Variants in KCNAB1 observed in about 807,000 individuals in gnomAD.
The protein encoded by KCNAB1 is voltage-gated potassium channel subunit beta-1.
Under a neutral mutation model 64.6 loss-of-function variants are expected in KCNAB1, and 35 were observed. The observed-to-expected ratio is 0.54, with a 90% confidence interval of 0.41 to 0.72. KCNAB1 has a LOEUF of 0.72. KCNAB1 is among the 30% of genes least tolerant of loss of function. The pLI, the probability that KCNAB1 is intolerant of heterozygous loss-of-function variation, is 0.00. For synonymous variants in KCNAB1, 177 were observed against 183.8 expected (o/e 0.96, Z 0.30); for missense variants, 401 against 512.9 (o/e 0.78, Z 2.11).
chr3:156,336,525 T>A (rs1723724196), intron 1 of KCNAB1, among the ~76,000 whole-genome samples: 2 of 152,244 alleles, frequency 1.3e-5, no homozygotes, highest in South Asian at 4.1e-4. Flanking sequence ...AGTTTAATTT[T>A]GACCGTCCTT....
In KCNAB1 at chr3:156,189,285, C is replaced by G. The variant is rs566665849; in HGVS notation, c.275+68399C>G. On this transcript the variant is annotated intron_variant, in intron 1 of 13. Coordinates refer to ENST00000490337, the MANE Select transcript of KCNAB1 (RefSeq NM_172160.3). Reference sequence around the variant, plus strand: ...TTGAATCCCTGTGTAGTCCAGCTAACCTGTTCCATGATGAGAGCTGCCTGC... The same window carrying G: ...TTGAATCCCTGTGTAGTCCAGCTAAGCTGTTCCATGATGAGAGCTGCCTGC... Among the ~76,000 whole-genome samples, 7 of 152,318 alleles carry G rather than the reference C, an allele frequency of 4.6e-5. No homozygotes were observed. The South Asian group carries it at 1.4e-3, about 32-fold the overall frequency.
intron 12 of KCNAB1, among the ~76,000 whole-genome samples, chr3:156,526,582 G>A (rs912937499): frequency 3.9e-5 from 6 of 152,166 alleles, no homozygotes; most frequent in African/African-American, 1.4e-4. Context: ...GCCACGTGCT[G>A]CCAAAGGCTA....
intron 9 of KCNAB1, 120 bp downstream of exon 9, chr3:156,514,569 C>G: frequency 1.4e-6 from 1 of 695,256 alleles, no homozygotes; most frequent in Non-Finnish European, 2.6e-6. Context: ...CACTGGAATT[C>G]TAGAATCAAT....
At chr3:156,516,890 G>A (rs1469123690) in intron 11 of KCNAB1, among the ~76,000 whole-genome samples, 1 of 152,164 alleles carries the variant, frequency 6.6e-6, no homozygotes, top group East Asian at 1.9e-4. Flanking sequence ...ACATAGCAAA[G>A]CTTCTATCAC....
intron 8 of KCNAB1, among the ~76,000 whole-genome samples, chr3:156,494,863 CT>C (rs933376087): frequency 4.6e-5 from 7 of 151,996 alleles, no homozygotes; most frequent in South Asian, 2.1e-4. Flanking sequence ...CAATTTTTTT[CT>C]TTTTTTTCCA....
intron 1 of KCNAB1, among the ~76,000 whole-genome samples, chr3:156,341,920 A>T (rs971784916): frequency 6.6e-6 from 1 of 152,132 alleles, no homozygotes; most frequent in Non-Finnish European, 1.5e-5. Context: ...AATAGATTTC[A>T]TGACAAACTA....
chr3:156,280,371 C>T lies in KCNAB1; in HGVS notation c.276-141245C>T, dbSNP rs1199621749. ...TACCATGCTGTTTTGGTTACTGTAG[C>T]GTTGTAGTATAGTTTGAAGTCAGGT... On this transcript the variant is annotated intron_variant, in intron 1 of 13. Coordinates refer to ENST00000490337, the MANE Select transcript of KCNAB1 (RefSeq NM_172160.3). 2.4e-4 allele frequency among the ~76,000 whole-genome samples: 36 copies of T among 151,584 alleles called. 1 individual carries two copies. The highest frequency in any genetic ancestry group is 1.4e-3 in the Admixed American group (21 of 15,240).
intron 8 of KCNAB1, among the ~76,000 whole-genome samples, chr3:156,505,596 T>C (rs936131815): frequency 5.9e-5 from 9 of 152,216 alleles, no homozygotes; most frequent in African/African-American, 1.9e-4. Flanking sequence ...TTCATAATTT[T>C]AATTGTAGAG....
chr3:156,280,917 C>T (rs1451626758), intron 1 of KCNAB1, among the ~76,000 whole-genome samples: 3 of 148,264 alleles, frequency 2.0e-5, no homozygotes, highest in Non-Finnish European at 4.5e-5. Flanking sequence ...CAAACAGGGA[C>T]AATTTGACTT....
chr3:156,494,478 A>G (rs753397478), intron 8 of KCNAB1, among the ~76,000 whole-genome samples: 2 of 152,064 alleles, frequency 1.3e-5, no homozygotes, highest in African/African-American at 2.4e-5. Context: ...TCTACTCAGC[A>G]CTTATCTTTT....
intron 1 of KCNAB1, among the ~76,000 whole-genome samples, chr3:156,409,593 G>A (rs1443371508): frequency 1.3e-5 from 2 of 152,144 alleles, no homozygotes; most frequent in Non-Finnish European, 2.9e-5. Context: ...ATGGGAAGGA[G>A]CTTTCCTTTT....
intron 1 of KCNAB1, among the ~76,000 whole-genome samples, chr3:156,418,741 C>T (rs1207161654): frequency 6.6e-6 from 1 of 152,074 alleles, no homozygotes; most frequent in Non-Finnish European, 1.5e-5. Context: ...ACACAGAGAC[C>T]CAGATATATC....
Position 156,499,809 on chromosome 3 carries a change from A to G in KCNAB1, c.659-14555A>G, listed in dbSNP as rs73025762. Among the ~76,000 whole-genome samples, 828 of 152,228 alleles carry G rather than the reference A, an allele frequency of 5.4e-3. 9 individuals are homozygous for G. The highest frequency in any genetic ancestry group is 0.019 in the African/African-American group (777 of 41,532). On this transcript the variant is annotated intron_variant, in intron 8 of 13. Coordinates refer to ENST00000490337, the MANE Select transcript of KCNAB1 (RefSeq NM_172160.3). ...AAATTCCCAGCCCAGAGCCAAGCACAAGGTAGGCACTCAGTAGAGTCCATG... is the reference window on the plus strand; with the variant it reads ...AAATTCCCAGCCCAGAGCCAAGCACGAGGTAGGCACTCAGTAGAGTCCATG...
chr3:156,246,973 T>C (rs1188925924), intron 1 of KCNAB1, among the ~76,000 whole-genome samples: 1 of 152,216 alleles, frequency 6.6e-6, no homozygotes, highest in East Asian at 1.9e-4. Context: ...TGGAAGGAGC[T>C]CTTTCAGTTA....
intron 2 of KCNAB1, 49 bp downstream of exon 2, chr3:156,421,708 G>A: frequency 1.3e-6 from 2 of 1,555,540 alleles, no homozygotes; most frequent in South Asian, 1.1e-5. Flanking sequence ...GTGGGAGACT[G>A]GGGAGGGCAC....
intron 1 of KCNAB1, among the ~76,000 whole-genome samples, chr3:156,140,431 C>T (rs991859057): frequency 5.9e-5 from 9 of 152,102 alleles, no homozygotes; most frequent in East Asian, 1.9e-4. Context: ...GCCCTCTTCC[C>T]GGTTGAAGGG....
chr3:156,404,400 T>G (rs1413868619), intron 1 of KCNAB1, among the ~76,000 whole-genome samples: 1 of 152,198 alleles, frequency 6.6e-6, no homozygotes, highest in African/African-American at 2.4e-5. Flanking sequence ...TCCGTGGAAC[T>G]GAAGGCTATT....
At chr3:156,298,386 A>G (rs961694168) in intron 1 of KCNAB1, among the ~76,000 whole-genome samples, 11 of 152,264 alleles carry the variant, frequency 7.2e-5, no homozygotes, top group East Asian at 1.9e-4. Context: ...GTTGTTACAC[A>G]TGGAGTCCTT....
At chr3:156,284,060 A>G (rs946354457) in intron 1 of KCNAB1, among the ~76,000 whole-genome samples, 5 of 151,966 alleles carry the variant, frequency 3.3e-5, no homozygotes, top group East Asian at 1.9e-4. Context: ...TAGAGTTTCC[A>G]GTTTTTCTGT....
Sources: allele counts gnomAD v4.1 joint callset (sites outside exome capture counted in the v4.1 genomes callset), GRCh38; gene constraint gnomAD v4.1.1; transcripts MANE v1.5; gene names NCBI Gene and HGNC (gene_info 2026-07-23, HGNC 2026-07-21).